The following ADAM32 variants were observed in gnomAD, a reference collection of about 807,000 sequenced individuals.
ADAM32 encodes ADAM metallopeptidase domain 32, also known as disintegrin and metalloproteinase domain-containing protein 32.
In ADAM32, 89 loss-of-function variants were observed where a neutral mutation model predicts 114.9. That is an observed-to-expected ratio of 0.77 (90% CI 0.65 to 0.92). The LOEUF is 0.92. Ranked by LOEUF, ADAM32 falls within the 40% of genes least tolerant of loss-of-function variation. ADAM32 has a pLI of 0.00. For synonymous variants in ADAM32, 285 were observed against 307.5 expected (o/e 0.93, Z 0.77); for missense variants, 870 against 932.8 (o/e 0.93, Z 0.88).
chr8:39,142,493 T>C (rs1342943023), intron 3 of ADAM32, among the ~76,000 whole-genome samples: 2 of 152,216 alleles, frequency 1.3e-5, no homozygotes, highest in African/African-American at 4.8e-5. Context: ...AGATTCTGGG[T>C]TGAAAATTCT....
At chr8:39,177,309 C>T (rs1270832290) in intron 10 of ADAM32, among the ~76,000 whole-genome samples, 1 of 152,114 alleles carries the variant, frequency 6.6e-6, no homozygotes, top group African/African-American at 2.4e-5. Flanking sequence ...GACCTGCCCA[C>T]CTTGGTCTCC....
intron 12 of ADAM32, among the ~76,000 whole-genome samples, chr8:39,218,433 C>T (rs2129448667): frequency 6.6e-6 from 1 of 152,300 alleles, no homozygotes; most frequent in South Asian, 2.1e-4. Flanking sequence ...GCCAACCAGG[C>T]TTGTGTCCTC....
At chr8:39,112,842 G>A (rs1840222488) in intron 1 of ADAM32, among the ~76,000 whole-genome samples, 1 of 152,138 alleles carries the variant, frequency 6.6e-6, no homozygotes, top group Admixed American at 6.5e-5. Context: ...ACGATGAAAC[G>A]CACAGACTAG....
chr8:39,205,853 A>G (rs1209921565), intron 11 of ADAM32, among the ~76,000 whole-genome samples: 3 of 152,090 alleles, frequency 2.0e-5, no homozygotes, highest in Admixed American at 6.6e-5. Context: ...ATTATTTTGA[A>G]TTCTTTTTCA....
chr8:39,170,040 A>C, intron 10 of ADAM32, 43 bp downstream of exon 10: 1 of 1,395,232 alleles, frequency 7.2e-7, no homozygotes, highest in Non-Finnish European at 1.0e-6. Flanking sequence ...AACACGTTTA[A>C]AAATTATTTG....
At chr8:39,181,914 A>G (rs867871746) in intron 10 of ADAM32, among the ~76,000 whole-genome samples, 6 of 152,338 alleles carry the variant, frequency 3.9e-5, no homozygotes, top group Admixed American at 1.3e-4. Flanking sequence ...TGTGAAACAT[A>G]AGAATGAGTG....
At chr8:39,174,547 T>C (rs1805394334) in intron 10 of ADAM32, among the ~76,000 whole-genome samples, 1 of 152,036 alleles carries the variant, frequency 6.6e-6, no homozygotes, top group Non-Finnish European at 1.5e-5. Context: ...TTAGGGTACA[T>C]GTGCACAATG....
Position 39,275,897 on chromosome 8 carries a change from T to C in ADAM32, c.2279+31T>C. On this transcript the variant is annotated intron_variant, in intron 22 of 24. Transcript: ENST00000379907. Reference sequence around the variant, plus strand: ...TGAATTAGGGGGCATTTTTTTTATATAATAAGTATATGTTAAAAATTGAGA... The same window carrying C: ...TGAATTAGGGGGCATTTTTTTTATACAATAAGTATATGTTAAAAATTGAGA... The C allele has an allele frequency of 2.6e-6, 4 of 1,518,362 alleles. No individual in the cohort carries two copies. In the South Asian group the frequency reaches 3.8e-5, roughly 14 times the overall value. 94.1% of individuals were successfully genotyped at this position (1,518,362 alleles called of 1,614,324 possible). A position where few individuals can be genotyped will look rare whatever the true frequency, so the allele number is the denominator to read the frequency against.
chr8:39,257,125 T>C, intron 18 of ADAM32, 62 bp from the exon 19 acceptor site: 1 of 1,422,260 alleles, frequency 7.0e-7, no homozygotes. Flanking sequence ...GTGTTGCAAC[T>C]TGAAAGTAAA....
intron 11 of ADAM32, among the ~76,000 whole-genome samples, chr8:39,195,715 A>C (rs559012940): frequency 2.0e-5 from 3 of 152,176 alleles, no homozygotes; most frequent in Non-Finnish European, 4.4e-5. Flanking sequence ...AGCTGTAAAT[A>C]GATGGGTTTA....
At chr8:39,176,454 C>A (rs183466120) in intron 10 of ADAM32, among the ~76,000 whole-genome samples, 5 of 151,332 alleles carry the variant, frequency 3.3e-5, no homozygotes, top group Non-Finnish European at 5.9e-5. Flanking sequence ...CCCAGGAGTC[C>A]TTTGGGAGCA....
chr8:39,186,114 C>G (rs1806224493), intron 10 of ADAM32, among the ~76,000 whole-genome samples: 3 of 152,202 alleles, frequency 2.0e-5, no homozygotes, highest in African/African-American at 4.8e-5. Context: ...TTTGCATTTT[C>G]CATTGCTCAT....
At chr8:39,283,528 A>G in intron 23 of ADAM32, 58 bp from the exon 24 acceptor site, 4 of 1,343,722 alleles carry the variant, frequency 3.0e-6, no homozygotes, top group Non-Finnish European at 4.1e-6. Flanking sequence ...TAAATACAAC[A>G]TAAGTTTGAC....
chr8:39,255,556 G>C (rs1279454902), intron 18 of ADAM32, among the ~76,000 whole-genome samples: 1 of 151,832 alleles, frequency 6.6e-6, no homozygotes, highest in Non-Finnish European at 1.5e-5. Context: ...CATGTCCTTA[G>C]CCCATGTTTT....
chr8:39,197,435 CT>C (rs1201494435), intron 11 of ADAM32, among the ~76,000 whole-genome samples: 7 of 151,660 alleles, frequency 4.6e-5, no homozygotes, highest in Admixed American at 4.6e-4. Context: ...AATATTTCTA[CT>C]TTTTTGATGA....
chr8:39,212,240 C>T (rs868206211), intron 12 of ADAM32, among the ~76,000 whole-genome samples: 10 of 152,200 alleles, frequency 6.6e-5, no homozygotes, highest in South Asian at 4.2e-4. Flanking sequence ...TCTCAAACTC[C>T]TGACCTCAAG....
intron 3 of ADAM32, among the ~76,000 whole-genome samples, chr8:39,142,144 C>T (rs1265347488): frequency 6.6e-6 from 1 of 152,182 alleles, no homozygotes; most frequent in African/African-American, 2.4e-5. Flanking sequence ...TGGGTCTTGA[C>T]TCTTTAAATC....
chr8:39,236,487 A>C (rs1307519030), intron 16 of ADAM32, among the ~76,000 whole-genome samples: 1 of 152,158 alleles, frequency 6.6e-6, no homozygotes, highest in Admixed American at 6.5e-5. Flanking sequence ...AAATTATTTT[A>C]AAAAATATAC....
chr8:39,164,933 T>G (rs1585435357), intron 8 of ADAM32, 97 bp from the exon 9 acceptor site: 1 of 1,488,710 alleles, frequency 6.7e-7, no homozygotes, highest in East Asian at 2.3e-5. Flanking sequence ...CCCACCCATA[T>G]AAACTGAGTG....
Sources: allele counts gnomAD v4.1 joint callset (sites outside exome capture counted in the v4.1 genomes callset), GRCh38; gene constraint gnomAD v4.1.1; transcripts MANE v1.5; gene names NCBI Gene and HGNC (gene_info 2026-07-23, HGNC 2026-07-21).